The following GRM1 variants were observed in gnomAD, a reference collection of about 807,000 sequenced individuals.
GRM1 encodes glutamate metabotropic receptor 1.
Under a neutral mutation model 90.9 loss-of-function variants are expected in GRM1, and 33 were observed. The ratio of observed to expected loss-of-function variants is 0.36; its 90% CI spans 0.28 to 0.49. The LOEUF is 0.49. GRM1 is among the 20% of genes least tolerant of loss of function. GRM1 has a pLI of 0.99. For synonymous variants in GRM1, 700 were observed against 613.2 expected, an observed-to-expected ratio of 1.14 and a Z score of -2.09; for missense variants, 1,190 against 1,534.3, an observed-to-expected ratio of 0.78 and a Z score of 3.75.
intron 7 of GRM1, among the ~76,000 whole-genome samples, chr6:146,431,241 G>A (rs925164976): frequency 1.3e-5 from 2 of 152,172 alleles, no homozygotes; most frequent in Non-Finnish European, 2.9e-5. Context: ...TGAGGGGAAC[G>A]AAAGTTACCA....
rs535962443 is a variant in GRM1 at position 146,162,461 on chromosome 6, T to C, written c.950+2864T>C. Among the ~76,000 whole-genome samples the C allele has an allele frequency of 1.9e-3, 287 of 152,306 alleles. 2 individuals carry two copies. The highest frequency in any genetic ancestry group is 6.6e-3 in the African/African-American group (275 of 41,580). On this transcript the variant is annotated intron_variant, in intron 2 of 7. Transcript: ENST00000282753. ...CAGATGTGGACAACTTGTCACCACT[T>C]CCTCTGCTATCATCCTGGTCCAAGC...
Position 146,146,289 on chromosome 6 carries a change from G to A in GRM1, c.701-13059G>A, listed in dbSNP as rs577025607. The stretch of plus-strand genomic sequence containing the variant: ...TTTTTAGTAGAGACGGGATTTCACC[G>A]TGTTAGCCAAGATGGTGTCCATCTC... On this transcript the variant is annotated intron_variant, in intron 1 of 7. Coordinates refer to ENST00000282753, the MANE Select transcript of GRM1 (RefSeq NM_001278064.2). 5.3e-5 allele frequency among the ~76,000 whole-genome samples: 8 copies of A among 151,240 alleles called. No homozygotes were observed. In the East Asian group the frequency reaches 5.9e-4, roughly 11 times the overall value.
intron 3 of GRM1, among the ~76,000 whole-genome samples, chr6:146,320,421 ATT>A (rs992768480): frequency 9.2e-5 from 14 of 152,006 alleles, no homozygotes; most frequent in African/African-American, 3.4e-4. Context: ...TTGGCCTGAA[ATT>A]TTCTTTTTTT....
intron 3 of GRM1, among the ~76,000 whole-genome samples, chr6:146,336,142 A>T (rs960656952): frequency 1.4e-4 from 21 of 152,152 alleles, no homozygotes; most frequent in Admixed American, 1.2e-3. Context: ...AATACACCTC[A>T]CAATCAGTTT....
chr6:146,363,885 A>C (rs1041945368), intron 5 of GRM1, among the ~76,000 whole-genome samples: 2 of 152,184 alleles, frequency 1.3e-5, no homozygotes, highest in African/African-American at 4.8e-5. Context: ...CTATAACACC[A>C]TTTCCTGATA....
At chr6:146,428,943 A>G (rs557859636) in intron 7 of GRM1, among the ~76,000 whole-genome samples, 57 of 152,332 alleles carry the variant, frequency 3.7e-4, no homozygotes, top group Admixed American at 8.5e-4. Context: ...GAATTTGATT[A>G]GGTAATTTTA....
At chr6:146,194,309 C>G (rs542665993) in intron 2 of GRM1, among the ~76,000 whole-genome samples, 2 of 152,142 alleles carry the variant, frequency 1.3e-5, no homozygotes, top group African/African-American at 2.4e-5. Context: ...TGCCAGTTCC[C>G]ATGACACAAG....
At chr6:146,181,516 C>T (rs527392107) in intron 2 of GRM1, among the ~76,000 whole-genome samples, 3 of 152,234 alleles carry the variant, frequency 2.0e-5, no homozygotes, top group Non-Finnish European at 4.4e-5. Context: ...GTTCACTCTG[C>T]CATGATTACT....
At chr6:146,108,733 A>G (rs1045064060) in intron 1 of GRM1, among the ~76,000 whole-genome samples, 1 of 152,206 alleles carries the variant, frequency 6.6e-6, no homozygotes, top group East Asian at 1.9e-4. Context: ...GAAGACAGGA[A>G]AATGTGGGAA....
At chr6:146,175,883 T>G (rs1046202218) in intron 2 of GRM1, among the ~76,000 whole-genome samples, 2 of 152,182 alleles carry the variant, frequency 1.3e-5, no homozygotes, top group Non-Finnish European at 2.9e-5. Flanking sequence ...CTTACAATAA[T>G]ACTCGGGTTG....
intron 2 of GRM1, among the ~76,000 whole-genome samples, chr6:146,275,034 A>C (rs7756192): frequency 0.043 from 6,542 of 152,256 alleles, 450 homozygotes; most frequent in African/African-American, 0.14. Flanking sequence ...TGTATCCAAA[A>C]AAAGAAAAAA....
chr6:146,345,326 T>C (rs1562625929), intron 3 of GRM1, among the ~76,000 whole-genome samples: 1 of 152,240 alleles, frequency 6.6e-6, no homozygotes, highest in Admixed American at 6.5e-5. Context: ...TGTCAAGTTA[T>C]AGATATTTTG....
intron 7 of GRM1, among the ~76,000 whole-genome samples, chr6:146,431,256 TG>T (rs1198636319): frequency 6.6e-6 from 1 of 152,232 alleles, no homozygotes; most frequent in East Asian, 1.9e-4. Context: ...TTACCAGTTT[TG>T]AAGGCCATAG....
intron 1 of GRM1, among the ~76,000 whole-genome samples, chr6:146,157,352 T>C (rs1284594600): frequency 1.3e-5 from 2 of 152,252 alleles, no homozygotes; most frequent in African/African-American, 4.8e-5. Flanking sequence ...ACAGGGAGAT[T>C]ATTGCTGATC....
intron 2 of GRM1, chr6:146,171,661 C>A: frequency 3.5e-6 from 1 of 283,882 alleles, no homozygotes; most frequent in Non-Finnish European, 7.4e-6. Context: ...CTGAGTACAT[C>A]AAAGATGACT....
intron 2 of GRM1, among the ~76,000 whole-genome samples, chr6:146,190,860 T>C (rs1264898762): frequency 3.3e-5 from 5 of 152,194 alleles, no homozygotes; most frequent in African/African-American, 1.2e-4. Context: ...CCACTTGTTC[T>C]TCACATTGCT....
At chr6:146,349,119 T>C (rs1350187264) in intron 3 of GRM1, among the ~76,000 whole-genome samples, 2 of 150,092 alleles carry the variant, frequency 1.3e-5, no homozygotes, top group Non-Finnish European at 3.0e-5. Context: ...CAGGCTGGAA[T>C]GCAGTGGCGC....
intron 5 of GRM1, among the ~76,000 whole-genome samples, chr6:146,369,648 A>G (rs906516189): frequency 5.9e-5 from 9 of 151,606 alleles, no homozygotes; most frequent in African/African-American, 1.5e-4. Context: ...CTTGTTATTG[A>G]TTTCTGGTTT....
chr6:146,195,805 T>C (rs1476671397), intron 2 of GRM1, among the ~76,000 whole-genome samples: 2 of 152,170 alleles, frequency 1.3e-5, no homozygotes, highest in Non-Finnish European at 2.9e-5. Context: ...AGAAAGGAGC[T>C]GGATAGTGGT....
Sources: gnomAD v4.1 joint callset for allele counts (sites outside exome capture counted in the v4.1 genomes callset) on GRCh38, gnomAD v4.1.1 for gene constraint, MANE v1.5 for transcripts, NCBI Gene and HGNC (gene_info 2026-07-23, HGNC 2026-07-21) for gene names.